CSMD1: variants seen among roughly 807,000 people sequenced by gnomAD.
CSMD1 encodes the protein CUB and Sushi multiple domains 1.
Under a neutral mutation model 417.5 loss-of-function variants are expected in CSMD1, and 213 were observed. That is an observed-to-expected ratio of 0.51 (90% CI 0.46 to 0.57). CSMD1 has a LOEUF of 0.57. CSMD1 is among the 20% of genes least tolerant of loss of function. The pLI, the probability that CSMD1 is intolerant of heterozygous loss-of-function variation, is 0.00. For missense variants in CSMD1, 6,923 were observed against 4,529.7 expected, an observed-to-expected ratio of 1.53 and a Z score of -15.17; for synonymous variants, 2,862 against 1,736.8, an observed-to-expected ratio of 1.65 and a Z score of -16.11.
intron 1 of CSMD1, among the ~76,000 whole-genome samples, chr8:4,925,632 TGCC>T (rs1563782932): frequency 1.3e-5 from 2 of 151,008 alleles, no homozygotes; most frequent in Non-Finnish European, 1.5e-5. Flanking sequence ...CTGCAAGCTC[TGCC>T]TCCCGGGTTC....
intron 28 of CSMD1, among the ~76,000 whole-genome samples, chr8:3,220,957 T>A (rs1798174706): frequency 6.6e-6 from 1 of 152,168 alleles, no homozygotes; most frequent in Non-Finnish European, 1.5e-5. Context: ...TTTACAAAGC[T>A]CCTACTCCCT....
Position 3,479,354 on chromosome 8 carries a change from C to T in CSMD1, c.1449-10530G>A, listed in dbSNP as rs138278985. ...GGAGTGCAGTGGCATGATCTTGGCTCACCGCAACCTCCGCCTCCTGGGTTC... is the reference window on the plus strand; with the variant it reads ...GGAGTGCAGTGGCATGATCTTGGCTTACCGCAACCTCCGCCTCCTGGGTTC... On this transcript the variant is annotated intron_variant, in intron 11 of 69. Transcript: ENST00000635120. Among the ~76,000 whole-genome samples, 1,225 of 152,294 alleles carry T rather than the reference C, an allele frequency of 8.0e-3. 18 individuals are homozygous for T. The highest frequency in any genetic ancestry group is 0.028 in the African/African-American group (1,154 of 41,552).
intron 5 of CSMD1, among the ~76,000 whole-genome samples, chr8:3,773,120 C>T (rs1798707586): frequency 1.3e-5 from 2 of 152,168 alleles, no homozygotes; most frequent in Non-Finnish European, 2.9e-5. Flanking sequence ...CTCACAACCT[C>T]ATCTCTTCGC....
rs375126893 is a variant in CSMD1, at chr8:3,308,507, C to T, written c.3632-4G>A. Reference sequence around the variant, plus strand: ...TCACATTTTACCAGATCAAAACCTGCAAGAGAGAAAGGCAAGGAATGAACA... The same window carrying T: ...TCACATTTTACCAGATCAAAACCTGTAAGAGAGAAAGGCAAGGAATGAACA... On this transcript the variant is annotated splice_region_variant and splice_polypyrimidine_tract_variant and intron_variant, in intron 23 of 69. Coordinates refer to ENST00000635120, the MANE Select transcript of CSMD1 (RefSeq NM_033225.6). 1.1e-4 allele frequency: 171 copies of T among 1,605,930 alleles called. No homozygotes were observed. Among genetic ancestry groups the T allele is most frequent in the Admixed American group, 2.0e-4 (12 of 59,552 alleles).
intron 10 of CSMD1, among the ~76,000 whole-genome samples, chr8:3,530,054 C>G (rs919279916): frequency 6.6e-6 from 1 of 152,098 alleles, no homozygotes; most frequent in Non-Finnish European, 1.5e-5. Context: ...ATGCTAAATG[C>G]TCAGTCTATG....
chr8:3,271,286 C>A (rs112987194), intron 26 of CSMD1, among the ~76,000 whole-genome samples: 40,414 of 151,190 alleles, frequency 0.27, 5,601 homozygotes, highest in African/African-American at 0.34. Context: ...GCATAGTATT[C>A]CATGGTGTAT....
rs371818795 is a variant in CSMD1, at chr8:3,007,665, G to A, written c.8030-7534C>T. Among the ~76,000 whole-genome samples, 32 of 150,378 alleles carry A rather than the reference G, an allele frequency of 2.1e-4. No individual in the cohort carries two copies. In the East Asian group the frequency reaches 2.4e-3, roughly 11 times the overall value. On this transcript the variant is annotated intron_variant, in intron 52 of 69. Coordinates refer to ENST00000635120, the MANE Select transcript of CSMD1 (RefSeq NM_033225.6). ...AAATCATCATTCTCAGTAAACTATC[G>A]CAAGAACAAAAAACCAAACACCGCA...
chr8:4,053,110 C>A (rs1012922219), intron 3 of CSMD1, among the ~76,000 whole-genome samples: 1 of 152,128 alleles, frequency 6.6e-6, no homozygotes, highest in Non-Finnish European at 1.5e-5. Flanking sequence ...GATACGAGGA[C>A]CCCTTGCCCA....
intron 1 of CSMD1, among the ~76,000 whole-genome samples, chr8:4,984,109 T>C (rs914371187): frequency 1.3e-5 from 2 of 152,188 alleles, no homozygotes; most frequent in Admixed American, 6.5e-5. Flanking sequence ...ACAAGATACA[T>C]GGCCAGTAAA....
intron 7 of CSMD1, among the ~76,000 whole-genome samples, chr8:3,630,360 G>A (rs17324930): frequency 0.03 from 4,594 of 152,308 alleles, 116 homozygotes; most frequent in Non-Finnish European, 0.046. Flanking sequence ...GTAAACAGCA[G>A]AAGCCAAGCC....
intron 3 of CSMD1, among the ~76,000 whole-genome samples, chr8:4,293,245 A>T (rs1181289134): frequency 6.6e-6 from 1 of 152,198 alleles, no homozygotes; most frequent in Non-Finnish European, 1.5e-5. Flanking sequence ...CCAAGGGCAC[A>T]GAGTCGTGGA....
chr8:3,312,869 G>C (rs1021578045), intron 23 of CSMD1, among the ~76,000 whole-genome samples: 3 of 152,054 alleles, frequency 2.0e-5, no homozygotes, highest in Admixed American at 1.3e-4. Flanking sequence ...ATCCACATTC[G>C]TTAGGATACA....
At chr8:3,400,569 C>G (rs1039827991) in intron 15 of CSMD1, among the ~76,000 whole-genome samples, 15 of 151,994 alleles carry the variant, frequency 9.9e-5, no homozygotes, top group African/African-American at 3.6e-4. Context: ...TTTATGGAAA[C>G]TGCATGACCA....
At chr8:4,069,296 T>C (rs965349529) in intron 3 of CSMD1, among the ~76,000 whole-genome samples, 1 of 152,232 alleles carries the variant, frequency 6.6e-6, no homozygotes, top group African/African-American at 2.4e-5. Context: ...TCATTATTTT[T>C]TGACCATTTT....
intron 1 of CSMD1, among the ~76,000 whole-genome samples, chr8:4,944,480 C>A (rs1329398018): frequency 6.6e-6 from 1 of 152,066 alleles, no homozygotes; most frequent in African/African-American, 2.4e-5. Context: ...ACCCAGACAC[C>A]AAACAGATCT....
intron 5 of CSMD1, among the ~76,000 whole-genome samples, chr8:3,770,728 T>A (rs1170833745): frequency 6.6e-6 from 1 of 152,132 alleles, no homozygotes; most frequent in Non-Finnish European, 1.5e-5. Context: ...ATGGTAGCTC[T>A]CTTTCCCTTC....
chr8:3,982,087 G>C (rs559318422), intron 5 of CSMD1, among the ~76,000 whole-genome samples: 1 of 151,608 alleles, frequency 6.6e-6, no homozygotes, highest in Non-Finnish European at 1.5e-5. Flanking sequence ...GAACCTGGGA[G>C]GTGGAGGTTG....
intron 21 of CSMD1, among the ~76,000 whole-genome samples, chr8:3,358,311 T>A (rs1017755217): frequency 2.6e-5 from 4 of 152,220 alleles, no homozygotes; most frequent in African/African-American, 9.6e-5. Flanking sequence ...TTAGTCAGTT[T>A]TCTGTAACTT....
chr8:3,232,733 G>A (rs761970732), intron 26 of CSMD1, among the ~76,000 whole-genome samples: 24 of 151,966 alleles, frequency 1.6e-4, no homozygotes, highest in African/African-American at 5.8e-4. Context: ...GATTTCTCTC[G>A]ACCATCTTAG....
Sources: allele counts gnomAD v4.1 joint callset (sites outside exome capture counted in the v4.1 genomes callset), GRCh38; gene constraint gnomAD v4.1.1; transcripts MANE v1.5; gene names NCBI Gene and HGNC (gene_info 2026-07-23, HGNC 2026-07-21).